The following DPP7 variants were observed in gnomAD, a reference collection of about 807,000 sequenced individuals.
DPP7 encodes the protein dipeptidyl peptidase 7.
A neutral mutation model predicts 58.8 loss-of-function variants in DPP7; 74 were observed. The ratio of observed to expected loss-of-function variants is 1.26; its 90% CI spans 1.04 to 1.53. DPP7 has a LOEUF of 1.53. Ranked by LOEUF, DPP7 falls within the 40% of genes most tolerant of loss-of-function variation. DPP7 has a pLI of 0.00. For missense variants in DPP7, 807 were observed against 692.3 expected, an observed-to-expected ratio of 1.17 and a Z score of -1.86; for synonymous variants, 350 against 303.6, an observed-to-expected ratio of 1.15 and a Z score of -1.59.
chr9:137,112,668 T>G, intron 8 of DPP7, 77 bp downstream of exon 8: 1 of 1,511,848 alleles, frequency 6.6e-7, no homozygotes, highest in Non-Finnish European at 8.9e-7. Context: ...CTGCGGATCC[T>G]CGCCCCACCC....
At position 137,113,895 on chromosome 9, in the gene DPP7, T is replaced by C; in HGVS notation, c.455A>G (p.Gln152Arg). 6.4e-7 allele frequency: 1 copy of C among 1,565,944 alleles called. No individual in the cohort carries two copies. Among genetic ancestry groups the C allele is most frequent in the Non-Finnish European group, 8.6e-7 (1 of 1,161,808 alleles). The change falls in exon 4 of 13, where the codon CAG becomes CGG. Residue 152 changes from glutamine to arginine, a missense_variant. Gln to Arg is a conservative substitution (Grantham distance 43, BLOSUM62 1). Coordinates refer to ENST00000371579, the MANE Select transcript of DPP7 (RefSeq NM_013379.3). ...ACCGAAGGCGATGGCGGGGGCATCC[T>C]GGGCCCCGAGGTCGCGTCGTAGCGC... Reference protein sequence around the residue: ...LRALRRDLGAQDAPAIAFGGS... With the variant: ...LRALRRDLGARDAPAIAFGGS...
At chr9:137,118,027 G>C (rs1245299067), upstream of DPP7, among the ~76,000 whole-genome samples, 2 of 151,060 alleles carry the variant, frequency 1.3e-5, no homozygotes, top group South Asian at 4.2e-4. Flanking sequence ...TCACTCTGTT[G>C]TCCAGGCTGG....
At chr9:137,116,168 C>T (rs1588671070), upstream of DPP7, among the ~76,000 whole-genome samples, 1 of 146,038 alleles carries the variant, frequency 6.8e-6, no homozygotes, top group East Asian at 2.1e-4. Flanking sequence ...AGCCACTTTC[C>T]CTCTTGTCCA....
In DPP7 at chr9:137,112,547, A is replaced by T. The variant is rs145022441; in HGVS notation, c.931+198T>A. On this transcript the variant is annotated intron_variant, in intron 8 of 12. Transcript: ENST00000371579. ...CACCAAGCTGGGCCTGGCTACAGCC[A>T]GTGCTGAGAGGGTCCCCAGGGACGG... The T allele has an allele frequency of 9.2e-4, 660 of 715,412 alleles. 4 individuals are homozygous for T. The African/African-American group carries it at 0.011, about 12-fold the overall frequency. The allele number at this position is 715,412 out of a possible 1,614,324, so 44.3% of individuals were successfully genotyped here.
Position 137,114,651 on chromosome 9 carries a change from C to G in DPP7, c.63G>C (p.Ala21=). 3.6e-6 allele frequency: 5 copies of G among 1,375,232 alleles called. No homozygotes were observed. Among genetic ancestry groups the G allele is most frequent in the African/African-American group, 1.5e-5 (1 of 65,194 alleles). The allele number at this position is 1,375,232 out of a possible 1,614,324, so 85.2% of individuals were successfully genotyped here. The stretch of plus-strand genomic sequence containing the variant: ...CCGGGGGGCGCCGCCACTCACCCCC[C>G]GCCTGGAGGCCGCGCAGCCCGAGCG... ...LLALGLRGLQ[A]GARRAPDPGF... The change falls in exon 1 of 13, where the codon GCG becomes GCC. Residue 21 remains alanine, a synonymous_variant. Coordinates refer to ENST00000371579, the MANE Select transcript of DPP7 (RefSeq NM_013379.3).
chr9:137,112,548 G>A, intron 8 of DPP7, 197 bp downstream of exon 8: 1 of 729,718 alleles, frequency 1.4e-6, no homozygotes, highest in Non-Finnish European at 2.2e-6. Flanking sequence ...GCTACAGCCA[G>A]TGCTGAGAGG....
chr9:137,110,633 C>T lies in DPP7; in HGVS notation c.*15G>A. 1 of 1,606,586 alleles carries T rather than the reference C, an allele frequency of 6.2e-7. No individual in the cohort carries two copies. Among genetic ancestry groups the T allele is most frequent in the Non-Finnish European group, 8.5e-7 (1 of 1,177,926 alleles). The stretch of plus-strand genomic sequence containing the variant: ...CCACTCCATGAGGAGCCTTGAGACC[C>T]CTCCAGTCCTGTGCTCAGAGGCTGA... On this transcript the variant is annotated 3_prime_UTR_variant, in exon 13 of 13. Coordinates refer to ENST00000371579, the MANE Select transcript of DPP7 (RefSeq NM_013379.3).
At chr9:137,117,699 G>A (rs1831664604), upstream of DPP7, among the ~76,000 whole-genome samples, 1 of 152,158 alleles carries the variant, frequency 6.6e-6, no homozygotes, top group Non-Finnish European at 1.5e-5. Flanking sequence ...GGCTGGCCGT[G>A]ACCTACTGCA....
chr9:137,112,732 G>C lies in DPP7; in HGVS notation c.931+13C>G, dbSNP rs777198687. 5.6e-6 allele frequency: 9 copies of C among 1,594,774 alleles called. No individual in the cohort carries two copies. The South Asian group carries it at 9.0e-5, about 16-fold the overall frequency. Reference sequence around the variant, plus strand: ...TCTCCACACTTGCCCATCTGGGGCCGGGGGAAGGGCACCTGCCAGTGCTCG... The same window carrying C: ...TCTCCACACTTGCCCATCTGGGGCCCGGGGAAGGGCACCTGCCAGTGCTCG... On this transcript the variant is annotated intron_variant, in intron 8 of 12. Coordinates refer to ENST00000371579, the MANE Select transcript of DPP7 (RefSeq NM_013379.3).
rs781035371 is a variant in DPP7 at position 137,113,963 on chromosome 9, C to CA, written c.386dup (p.Thr130AspfsTer81). On this transcript the variant is annotated frameshift_variant, in exon 4 of 13. Transcript: ENST00000371579. LOFTEE classifies it high-confidence loss of function. The stretch of plus-strand genomic sequence containing the variant: ...AGTCGGCCAGGGCCTGCTCCACCGT[C>CA]AGCAGCTCCGTGTGCCCGCGCTGCG... 1.9e-6 allele frequency: 3 copies of CA among 1,584,892 alleles called. No individual in the cohort carries two copies. The highest frequency in any genetic ancestry group is 2.6e-6 in the Non-Finnish European group (3 of 1,170,786).
At chr9:137,114,936 A>T, upstream of DPP7, 3 of 336,480 alleles carry the variant, frequency 8.9e-6, no homozygotes, top group Non-Finnish European at 5.4e-6. Flanking sequence ...CCCCCGGGCC[A>T]TCTCCGCGGC....
chr9:137,111,034 G>C, intron 11 of DPP7, 84 bp from the exon 12 acceptor site: 2 of 1,372,232 alleles, frequency 1.5e-6, no homozygotes, highest in Non-Finnish European at 2.0e-6. Flanking sequence ...GGAGACGTGA[G>C]AGGGCGAGCC....
rs998598789 is a variant in DPP7, at chr9:137,114,490, T to G, written c.154A>C (p.Thr52Pro). 1 of 1,579,590 alleles carries G rather than the reference T, an allele frequency of 6.3e-7. No homozygotes were observed. Among genetic ancestry groups the G allele is most frequent in the South Asian group, 1.1e-5 (1 of 87,250 alleles). ...HFNFERFGNK[T>P]FPQRFLVSDR... ...GACACCAGGAAGCGCTGAGGGAAGGTCTTGTTGCCGAAGCGCTCGAAGTTG... is the reference window on the plus strand; with the variant it reads ...GACACCAGGAAGCGCTGAGGGAAGGGCTTGTTGCCGAAGCGCTCGAAGTTG... Residue 52 changes from threonine to proline, a missense_variant, in exon 2 of 13, where the codon ACC (threonine) becomes CCC (proline). By Grantham distance (38) the Thr-to-Pro change is conservative (BLOSUM62 -1). This residue lies in a region of DPP7 where 168 missense variants were observed against 124.1 expected (regional missense o/e 1.35). Transcript: ENST00000371579.
rs544746987 is a variant in DPP7, at chr9:137,111,964, G to A, written c.1116C>T (p.Pro372=). 4 of 1,613,624 alleles carry A rather than the reference G, an allele frequency of 2.5e-6. No homozygotes were observed. The highest frequency in any genetic ancestry group is 1.1e-5 in the South Asian group (1 of 91,064). The change falls in exon 10 of 13, where the codon CCC becomes CCT. Residue 372 remains proline, a synonymous_variant. Transcript: ENST00000371579. ...NNVTDMFPDL[P]FTDELRQRYC... is the part of the protein sequence containing the mutation. ...ACCGCTGGCGGAGCTCGTCAGTGAAGGGCAGGTCCGGGAACATATCGGTCA... is the reference window on the plus strand; with the variant it reads ...ACCGCTGGCGGAGCTCGTCAGTGAAAGGCAGGTCCGGGAACATATCGGTCA...
At chr9:137,118,292 T>TTAGC (rs1233193042), upstream of DPP7, among the ~76,000 whole-genome samples, 2 of 151,362 alleles carry the variant, frequency 1.3e-5, no homozygotes, top group African/African-American at 4.9e-5. Flanking sequence ...CCGGCCTGTT[T>TTAGC]TAGCCATTGT....
At position 137,111,630 on chromosome 9, in the gene DPP7, C is replaced by T. The variant is rs1831369055; in HGVS notation, c.1272+60G>A. 8.9e-6 allele frequency: 14 copies of T among 1,577,504 alleles called. No homozygotes were observed. In the Admixed American group the frequency reaches 1.2e-4, roughly 14 times the overall value. Reference sequence around the variant, plus strand: ...TCCAGCCTGGGCGCCAGAGAAAGACCCTGTCTCAAAAAAAAAACAAACAAA... The same window carrying T: ...TCCAGCCTGGGCGCCAGAGAAAGACTCTGTCTCAAAAAAAAAACAAACAAA... On this transcript the variant is annotated intron_variant, in intron 11 of 12. Coordinates refer to ENST00000371579, the MANE Select transcript of DPP7 (RefSeq NM_013379.3).
At position 137,114,719 on chromosome 9, in the gene DPP7, C is replaced by T. The variant is rs916149645; in HGVS notation, c.-6G>A. The T allele has an allele frequency of 2.1e-5, 27 of 1,278,616 alleles. No individual in the cohort carries two copies. The highest frequency in any genetic ancestry group is 2.5e-5 in the Non-Finnish European group (25 of 1,015,910). The allele number at this position is 1,278,616 out of a possible 1,614,324, so 79.2% of individuals were successfully genotyped here. ...GCCCAGGGAGCGGAGCCCATGTCGC[C>T]TTCCGCGGGCGCCCGTCACGTGGGC... On this transcript the variant is annotated 5_prime_UTR_variant, in exon 1 of 13. Transcript: ENST00000371579.
chr9:137,115,585 C>T (rs1167092645), upstream of DPP7, among the ~76,000 whole-genome samples: 2 of 152,134 alleles, frequency 1.3e-5, no homozygotes, highest in Non-Finnish European at 2.9e-5. Context: ...GTCCTTCTCC[C>T]AAGACTACCC....
At chr9:137,115,433 C>T (rs1204986569), upstream of DPP7, among the ~76,000 whole-genome samples, 5 of 152,172 alleles carry the variant, frequency 3.3e-5, 1 homozygote, top group African/African-American at 9.7e-5. Flanking sequence ...CCCCAGCGTC[C>T]AGTTCAGGGA....
Sources: gnomAD v4.1 joint callset for allele counts (sites outside exome capture counted in the v4.1 genomes callset) on GRCh38, gnomAD v4.1.1 for gene constraint, gnomAD v4.1.1 regional missense constraint, MANE v1.5 for transcripts, NCBI Gene and HGNC (gene_info 2026-07-23, HGNC 2026-07-21) for gene names.